Variants in LRRC28 observed in about 807,000 individuals in gnomAD.
LRRC28 encodes the protein leucine rich repeat containing 28.
Under a neutral mutation model 45.7 loss-of-function variants are expected in LRRC28, and 39 were observed. That is an observed-to-expected ratio of 0.85 (90% confidence interval 0.66 to 1.12). LRRC28 has a LOEUF of 1.12. Ranked by LOEUF, LRRC28 falls within the 50% of genes most tolerant of loss-of-function variation. The pLI, the probability that LRRC28 is intolerant of heterozygous loss-of-function variation, is 0.00. For missense variants in LRRC28, 435 were observed against 438.5 expected (o/e 0.99, Z 0.07); for synonymous variants, 206 against 178.8 (o/e 1.15, Z -1.22).
chr15:99,376,818 A>G (rs1027564301), intron 9 of LRRC28, among the ~76,000 whole-genome samples: 1 of 151,930 alleles, frequency 6.6e-6, no homozygotes, highest in Non-Finnish European at 1.5e-5. Flanking sequence ...CCTTGTGATA[A>G]TTTGCTGAGA....
At chr15:99,319,688 A>G (rs1037218457) in intron 5 of LRRC28, among the ~76,000 whole-genome samples, 1 of 151,944 alleles carries the variant, frequency 6.6e-6, no homozygotes. Context: ...TGTCTTTAAC[A>G]TTTAAAAATT....
At chr15:99,312,059 A>T (rs1413556293) in intron 5 of LRRC28, among the ~76,000 whole-genome samples, 1 of 152,224 alleles carries the variant, frequency 6.6e-6, no homozygotes, top group Non-Finnish European at 1.5e-5. Context: ...TAGCTAAAAA[A>T]TTAATAAAGG....
At chr15:99,274,346 A>G (rs1398580123) in intron 2 of LRRC28, among the ~76,000 whole-genome samples, 1 of 152,208 alleles carries the variant, frequency 6.6e-6, no homozygotes, top group Admixed American at 6.5e-5. Context: ...AAAATAAACC[A>G]GTGATTTTCC....
intron 5 of LRRC28, among the ~76,000 whole-genome samples, chr15:99,288,854 A>AT (rs1423986123): frequency 2.0e-5 from 3 of 150,894 alleles, no homozygotes; most frequent in African/African-American, 7.3e-5. Context: ...TAATTTTTGT[A>AT]TTTTTTGTAG....
At chr15:99,282,121 G>A (rs1376833450) in intron 3 of LRRC28, among the ~76,000 whole-genome samples, 1 of 141,782 alleles carries the variant, frequency 7.1e-6, no homozygotes. Flanking sequence ...ATGTGTGTTT[G>A]TTCTAGAATT....
intron 5 of LRRC28, among the ~76,000 whole-genome samples, chr15:99,299,640 G>A (rs1028790980): frequency 1.3e-5 from 2 of 152,158 alleles, no homozygotes; most frequent in South Asian, 4.1e-4. Flanking sequence ...TTGTTTTAAT[G>A]AGTGAAAAGC....
intron 6 of LRRC28, among the ~76,000 whole-genome samples, chr15:99,342,189 A>G (rs561824052): frequency 1.4e-4 from 22 of 152,164 alleles, no homozygotes; most frequent in African/African-American, 1.9e-4. Context: ...TTCCTCACTT[A>G]TCTCTTTGGC....
At chr15:99,295,933 A>G (rs545815563) in intron 5 of LRRC28, among the ~76,000 whole-genome samples, 4 of 152,312 alleles carry the variant, frequency 2.6e-5, no homozygotes, top group Admixed American at 2.0e-4. Flanking sequence ...TTGGAATGAA[A>G]TTTAGTATCC....
At chr15:99,341,610 T>C (rs1200006933) in intron 6 of LRRC28, among the ~76,000 whole-genome samples, 1 of 151,900 alleles carries the variant, frequency 6.6e-6, no homozygotes, top group Non-Finnish European at 1.5e-5. Flanking sequence ...AGTTTTGGAG[T>C]AGGATTTAGG....
chr15:99,333,850 TATA>T, intron 5 of LRRC28, 70 bp from the exon 6 acceptor site: 1 of 1,454,100 alleles, frequency 6.9e-7, no homozygotes, highest in Non-Finnish European at 9.6e-7. Flanking sequence ...GTTAAACTGT[TATA>T]ATATTGATTC....
intron 9 of LRRC28, among the ~76,000 whole-genome samples, chr15:99,376,715 C>T (rs1053993391): frequency 2.6e-5 from 4 of 152,066 alleles, no homozygotes; most frequent in Non-Finnish European, 5.9e-5. Context: ...CCACAACAGG[C>T]CCTGGTGTGT....
At chr15:99,315,631 T>C (rs142014765) in intron 5 of LRRC28, among the ~76,000 whole-genome samples, 71 of 152,356 alleles carry the variant, frequency 4.7e-4, no homozygotes, top group Admixed American at 2.1e-3. Flanking sequence ...TACCTGGTTT[T>C]GTACAAATTA....
intron 2 of LRRC28, among the ~76,000 whole-genome samples, chr15:99,271,629 C>G (rs1381878862): frequency 6.6e-6 from 1 of 151,250 alleles, no homozygotes; most frequent in African/African-American, 2.4e-5. Context: ...TGGAGTCTCA[C>G]TCTGTTGCCC....
At chr15:99,369,557 TA>T (rs1367901025) in intron 9 of LRRC28, among the ~76,000 whole-genome samples, 1 of 152,166 alleles carries the variant, frequency 6.6e-6, no homozygotes, top group Non-Finnish European at 1.5e-5. Flanking sequence ...ATTGCAGTCT[TA>T]GGGAGAATAC....
At chr15:99,365,451 C>T (rs1156382596) in intron 9 of LRRC28, among the ~76,000 whole-genome samples, 3 of 152,190 alleles carry the variant, frequency 2.0e-5, no homozygotes, top group African/African-American at 4.8e-5. Flanking sequence ...TTTCATTCAG[C>T]CCACCAGGCT....
At chr15:99,320,140 T>A (rs1484474391) in intron 5 of LRRC28, among the ~76,000 whole-genome samples, 1 of 152,222 alleles carries the variant, frequency 6.6e-6, no homozygotes, top group Non-Finnish European at 1.5e-5. Flanking sequence ...CCAAATAATA[T>A]TTAATTATCT....
chr15:99,342,729 A>G (rs1299979835), intron 6 of LRRC28, among the ~76,000 whole-genome samples: 1 of 152,190 alleles, frequency 6.6e-6, no homozygotes, highest in Admixed American at 6.5e-5. Context: ...GAATATTTAA[A>G]CCCACAGCAA....
chr15:99,254,997 ATT>A (rs973811944), intron 1 of LRRC28, among the ~76,000 whole-genome samples: 1 of 152,180 alleles, frequency 6.6e-6, no homozygotes, highest in African/African-American at 2.4e-5. Context: ...CATTGAAATA[ATT>A]TAAACTAATG....
rs141711738 is a variant in LRRC28 at position 99,269,777 on chromosome 15, A to G, written c.169-6799A>G. ...CACATAGCCACATTTTAAGTGCTTC[A>G]TAGCCACATGTGGCTAGTGTCTGCC... On this transcript the variant is annotated intron_variant, in intron 2 of 9. Transcript: ENST00000301981. 3.4e-3 allele frequency among the ~76,000 whole-genome samples: 515 copies of G among 152,308 alleles called. 1 individual carries two copies. Among genetic ancestry groups the G allele is most frequent in the African/African-American group, 0.012 (481 of 41,558 alleles).
Sources: gnomAD v4.1 joint callset for allele counts (sites outside exome capture counted in the v4.1 genomes callset) on GRCh38, gnomAD v4.1.1 for gene constraint, MANE v1.5 for transcripts, NCBI Gene and HGNC (gene_info 2026-07-23, HGNC 2026-07-21) for gene names.